TNK2: variants seen among roughly 807,000 people sequenced by gnomAD.
TNK2 encodes the protein tyrosine kinase non receptor 2.
A neutral mutation model predicts 101.8 loss-of-function variants in TNK2; 83 were observed. The observed-to-expected ratio is 0.82, with a 90% CI of 0.68 to 0.98. The LOEUF (loss-of-function observed/expected upper bound fraction) is 0.98, where lower values mean the gene tolerates loss of function less well. Ranked by LOEUF, TNK2 falls within the 50% of genes least tolerant of loss-of-function variation. TNK2 has a pLI of 0.00. For missense variants in TNK2, 1,665 were observed against 1,483.2 expected (o/e 1.12, Z -2.01); for synonymous variants, 804 against 633.0 (o/e 1.27, Z -4.06).
Position 195,888,612 on chromosome 3 carries a change from G to A in TNK2, c.-18-6C>T, listed in dbSNP as rs113106902. The stretch of plus-strand genomic sequence containing the variant: ...ATTCTGCCGCCTCCCAGCCTCTGTG[G>A]GGGGAGGAGTGGCTCAGGGACAAGG... On this transcript the variant is annotated splice_region_variant and splice_polypyrimidine_tract_variant and intron_variant, in intron 1 of 15. Transcript: ENST00000672887. The surrounding 1 kb of genome is among the most constrained non-coding windows in gnomAD (Gnocchi z 5.3). The A allele has an allele frequency of 6.1e-3, 9,782 of 1,604,624 alleles. 115 individuals carry two copies. Among genetic ancestry groups the A allele is most frequent in the African/African-American group, 0.049 (3,638 of 74,804 alleles).
At chr3:195,869,259 G>A in intron 12 of TNK2, 1 of 603,800 alleles carries the variant, frequency 1.7e-6, no homozygotes, top group East Asian at 2.8e-5. Flanking sequence ...AGACAGGTCT[G>A]GGAGGGAGTG....
At chr3:195,892,275 G>T in intron 1 of TNK2, 2 of 887,654 alleles carry the variant, frequency 2.3e-6, no homozygotes, top group Non-Finnish European at 3.3e-6. Context: ...GAGGCCACTT[G>T]GCCCGGACTC....
At chr3:195,872,547 G>T in intron 9 of TNK2, 77 bp from the exon 10 acceptor site, 2 of 1,433,004 alleles carry the variant, frequency 1.4e-6, no homozygotes, top group Non-Finnish European at 9.4e-7. Context: ...TCACACCCTG[G>T]CCACTGTGGC....
In TNK2 at chr3:195,882,502, C is replaced by A; in HGVS notation, c.610-174G>T. 6.5e-7 allele frequency: 1 copy of A among 1,538,450 alleles called. No individual in the cohort carries two copies. ...GTCCTGCAGTTTCTCAGGCCTCTCCCTCGAGGCAATTTGGGAAACTGATGC... is the reference window on the plus strand; with the variant it reads ...GTCCTGCAGTTTCTCAGGCCTCTCCATCGAGGCAATTTGGGAAACTGATGC... On this transcript the variant is annotated intron_variant, in intron 5 of 15. Coordinates refer to ENST00000672887, the MANE Select transcript of TNK2 (RefSeq NM_001382273.1). The surrounding 1 kb of genome is among the most constrained non-coding windows in gnomAD (Gnocchi z 4.2).
rs796568815 is a variant in TNK2 at position 195,882,854 on chromosome 3, T to C, written c.609+303A>G. Among the ~76,000 whole-genome samples, 50 of 152,218 alleles carry C rather than the reference T, an allele frequency of 3.3e-4. No homozygotes were observed. The highest frequency in any genetic ancestry group is 1.1e-3 in the African/African-American group (47 of 41,524). ...GCCTGGGCGACAAAGTGAGACTCCA[T>C]CTCAAAATAAATAGATAAATAAAAC... On this transcript the variant is annotated intron_variant, in intron 5 of 15. Coordinates refer to ENST00000672887, the MANE Select transcript of TNK2 (RefSeq NM_001382273.1). The surrounding 1 kb of genome is among the most constrained non-coding windows in gnomAD (Gnocchi z 4.2).
intron 9 of TNK2, among the ~76,000 whole-genome samples, chr3:195,873,265 T>G (rs900932820): frequency 6.6e-6 from 1 of 151,966 alleles, no homozygotes; most frequent in Non-Finnish European, 1.5e-5. Context: ...AGCCGGGGCC[T>G]GGGCAGGGGC....
chr3:195,896,918 A>T (rs1175326488), intron 1 of TNK2: 1 of 152,244 alleles, frequency 6.6e-6, no homozygotes, highest in Admixed American at 6.5e-5. Flanking sequence ...ATCCACACCA[A>T]GGCGCAGACA....
rs1380841933 is a variant in TNK2 at position 195,885,415 on chromosome 3, G to A, written c.235-382C>T. On this transcript the variant is annotated intron_variant, in intron 3 of 15. Coordinates refer to ENST00000672887, the MANE Select transcript of TNK2 (RefSeq NM_001382273.1). This position sits in a 1 kb window ranked among gnomAD's most constrained non-coding sequence, Gnocchi z 4.7. ...ACCCCGCAGACTCCAGCCCTAACCCGCATCGATGGAGCCGCAGGGGCCCTC... is the reference window on the plus strand; with the variant it reads ...ACCCCGCAGACTCCAGCCCTAACCCACATCGATGGAGCCGCAGGGGCCCTC... 19 of 1,341,880 alleles carry A rather than the reference G, an allele frequency of 1.4e-5. No individual in the cohort carries two copies. The highest frequency in any genetic ancestry group is 4.4e-5 in the African/African-American group (3 of 67,732). The allele number at this position is 1,341,880 out of a possible 1,614,324, so 83.1% of individuals were successfully genotyped here. A position where few individuals can be genotyped will look rare whatever the true frequency, so the allele number is the denominator to read the frequency against.
chr3:195,885,891 T>C lies in TNK2; in HGVS notation c.235-858A>G, dbSNP rs1183531524. 1.3e-5 allele frequency: 4 copies of C among 298,682 alleles called. No individual in the cohort carries two copies. Among genetic ancestry groups the C allele is most frequent in the East Asian group, 9.1e-5 (1 of 11,000 alleles). 18.5% of individuals were successfully genotyped at this position (298,682 alleles called of 1,614,324 possible). On this transcript the variant is annotated intron_variant, in intron 3 of 15. Coordinates refer to ENST00000672887, the MANE Select transcript of TNK2 (RefSeq NM_001382273.1). This position sits in a 1 kb window ranked among gnomAD's most constrained non-coding sequence, Gnocchi z 4.7. ...CCCAGAGCTGGTGGATCCTTATCCG[T>C]CTGGGCTAGGGTGCCTCAAATCTGA...
Position 195,876,056 on chromosome 3 carries a change from C to T in TNK2, c.1256+2197G>A, listed in dbSNP as rs536629997. On this transcript the variant is annotated intron_variant, in intron 9 of 15. Transcript: ENST00000672887. ...ATAACCCGGATGCCTGGCTCCCACC[C>T]ACCACAGGAAGCCGAGGCTCCAGGG... Among the ~76,000 whole-genome samples the T allele has an allele frequency of 7.2e-5, 11 of 152,338 alleles. No homozygotes were observed. In the South Asian group the frequency reaches 1.9e-3, roughly 26 times the overall value.
intron 1 of TNK2, among the ~76,000 whole-genome samples, chr3:195,907,392 C>A (rs1000605364): frequency 6.6e-6 from 1 of 152,224 alleles, no homozygotes; most frequent in African/African-American, 2.4e-5. Flanking sequence ...AGGAGAGCAC[C>A]CAGTCTGGTT....
Position 195,898,954 on chromosome 3 carries a change from G to C in TNK2, c.-19+9531C>G, listed in dbSNP as rs368356942. Among the ~76,000 whole-genome samples, 135 of 152,224 alleles carry C rather than the reference G, an allele frequency of 8.9e-4. 2 individuals carry two copies. In the East Asian group the frequency reaches 0.025, roughly 28 times the overall value. Reference sequence around the variant, plus strand: ...TACTAAAAAATATAAAAATTAGCCGGGCGTGGTGGCGGGCACCTGCAGTCC... The same window carrying C: ...TACTAAAAAATATAAAAATTAGCCGCGCGTGGTGGCGGGCACCTGCAGTCC... On this transcript the variant is annotated intron_variant, in intron 1 of 15. Transcript: ENST00000672887.
chr3:195,864,025 G>A lies in TNK2; in HGVS notation c.*156C>T, dbSNP rs1738913656. 1.0e-5 allele frequency: 10 copies of A among 960,870 alleles called. No homozygotes were observed. The highest frequency in any genetic ancestry group is 1.6e-5 in the Non-Finnish European group (10 of 625,632). The allele number at this position is 960,870 out of a possible 1,614,324, so 59.5% of individuals were successfully genotyped here. On this transcript the variant is annotated 3_prime_UTR_variant, in exon 16 of 16. Transcript: ENST00000672887. ...GTGCAGGAGGGATGGGCAGGGCAGG[G>A]CTCCCAGCCTCCCGCAGCCTTGGCC...
Position 195,886,887 on chromosome 3 carries a change from G to T in TNK2, c.234+90C>A. On this transcript the variant is annotated intron_variant, in intron 3 of 15. Coordinates refer to ENST00000672887, the MANE Select transcript of TNK2 (RefSeq NM_001382273.1). The surrounding 1 kb of genome is among the most constrained non-coding windows in gnomAD (Gnocchi z 4.2). Reference sequence around the variant, plus strand: ...GCAGAACGGCGAGATTCGACCTGCCGGGGAGCTGGGGAAGGTTCCCAGGAC... The same window carrying T: ...GCAGAACGGCGAGATTCGACCTGCCTGGGAGCTGGGGAAGGTTCCCAGGAC... 1 of 1,421,716 alleles carries T rather than the reference G, an allele frequency of 7.0e-7. No homozygotes were observed. The highest frequency in any genetic ancestry group is 9.9e-7 in the Non-Finnish European group (1 of 1,005,274). The allele number at this position is 1,421,716 out of a possible 1,614,324, so 88.1% of individuals were successfully genotyped here. A position where few individuals can be genotyped will look rare whatever the true frequency, so the allele number is the denominator to read the frequency against.
intron 1 of TNK2, 130 bp downstream of exon 1, chr3:195,908,355 C>T (rs1314576342): frequency 6.5e-6 from 1 of 152,734 alleles, no homozygotes; most frequent in African/African-American, 2.4e-5. Flanking sequence ...GAAAACTGCA[C>T]TGCTTCCTCC....
intron 4 of TNK2, 149 bp from the exon 5 acceptor site, chr3:195,883,458 A>G: frequency 1.1e-6 from 1 of 926,670 alleles, no homozygotes; most frequent in East Asian, 2.7e-5. Flanking sequence ...GCCTGGGCTT[A>G]CGTGCTCTGC....
intron 1 of TNK2, among the ~76,000 whole-genome samples, chr3:195,904,079 C>A (rs1278455804): frequency 6.6e-6 from 1 of 151,084 alleles, no homozygotes; most frequent in East Asian, 2.0e-4. Flanking sequence ...ATGCCAAACT[C>A]CCGTCTCTAC....
chr3:195,869,564 A>G lies in TNK2; in HGVS notation c.1544-23T>C, dbSNP rs765298159. The G allele has an allele frequency of 5.1e-5, 79 of 1,551,096 alleles. 1 individual carries two copies. The Admixed American group carries it at 1.5e-3, about 30-fold the overall frequency. ...CCCCTGCAAGAAAGGCCATGCGGAC[A>G]GGGGGAGAGAGACGGAGCAGGACAG... On this transcript the variant is annotated intron_variant, in intron 11 of 15. Coordinates refer to ENST00000672887, the MANE Select transcript of TNK2 (RefSeq NM_001382273.1).
chr3:195,897,014 G>A lies in TNK2; in HGVS notation c.-18-8408C>T, dbSNP rs371342644. Reference sequence around the variant, plus strand: ...ATATGCCAACCCTACCTCCCAGCCCGCCCTCTCCCACCTCCACCTACCTCT... The same window carrying A: ...ATATGCCAACCCTACCTCCCAGCCCACCCTCTCCCACCTCCACCTACCTCT... On this transcript the variant is annotated intron_variant, in intron 1 of 15. Coordinates refer to ENST00000672887, the MANE Select transcript of TNK2 (RefSeq NM_001382273.1). Among the ~76,000 whole-genome samples the A allele has an allele frequency of 9.2e-5, 14 of 151,352 alleles. No individual in the cohort carries two copies. In the East Asian group the frequency reaches 2.2e-3, roughly 23 times the overall value.
Sources: allele counts gnomAD v4.1 joint callset (sites outside exome capture counted in the v4.1 genomes callset), GRCh38; gene constraint gnomAD v4.1.1; non-coding constraint Gnocchi (gnomAD v3.1); transcripts MANE v1.5; gene names NCBI Gene and HGNC (gene_info 2026-07-23, HGNC 2026-07-21).